Variants in IDH2 observed in about 807,000 individuals in gnomAD.
The protein encoded by IDH2 is isocitrate dehydrogenase (NADP(+)) 2.
A neutral mutation model predicts 50.5 loss-of-function variants in IDH2; 18 were observed. That is an observed-to-expected ratio of 0.36 (90% CI 0.25 to 0.53). The LOEUF (loss-of-function observed/expected upper bound fraction) is 0.53. Ranked by LOEUF, IDH2 falls within the 20% of genes least tolerant of loss-of-function variation. IDH2 has a pLI of 0.92. For synonymous variants in IDH2, 280 were observed against 239.8 expected, an observed-to-expected ratio of 1.17 and a Z score of -1.55; for missense variants, 518 against 610.7, an observed-to-expected ratio of 0.85 and a Z score of 1.60.
rs1031293222 is a variant in IDH2, at chr15:90,085,499, C to T, written c.968-112G>A. 2 of 779,546 alleles carry T rather than the reference C, an allele frequency of 2.6e-6. No homozygotes were observed. Among genetic ancestry groups the T allele is most frequent in the East Asian group, 2.7e-5 (1 of 37,536 alleles). The allele number at this position is 779,546 out of a possible 1,614,324, so 48.3% of individuals were successfully genotyped here. On this transcript the variant is annotated intron_variant, in intron 7 of 10. Coordinates refer to ENST00000330062, the MANE Select transcript of IDH2 (RefSeq NM_002168.4). This position sits in a 1 kb window ranked among gnomAD's most constrained non-coding sequence, Gnocchi z 5.5. ...GTAGCTGCCATAGTTCGTGGCTCTA[C>T]TCAGCCTCCCCCAGCTGCAACTGGG...
intron 1 of IDH2, among the ~76,000 whole-genome samples, chr15:90,097,467 T>A (rs1901211456): frequency 6.6e-6 from 1 of 152,206 alleles, no homozygotes; most frequent in Non-Finnish European, 1.5e-5. Context: ...CTACATACAA[T>A]GGAATATGAT....
chr15:90,083,586 G>A lies in IDH2; in HGVS notation c.*680C>T, dbSNP rs1486084510. ...TCAGGCAGCCTTGGAAAGGAGAAGT[G>A]TGAGGCAGGTGTGGGTAGGACCTCT... is the stretch of plus-strand genomic sequence containing the variant. On this transcript the variant is annotated 3_prime_UTR_variant, in exon 11 of 11. Coordinates refer to ENST00000330062, the MANE Select transcript of IDH2 (RefSeq NM_002168.4). The A allele has an allele frequency of 6.5e-6, 1 of 153,808 alleles. No homozygotes were observed. The highest frequency in any genetic ancestry group is 6.4e-5 in the Admixed American group (1 of 15,546). 9.5% of individuals were successfully genotyped at this position (153,808 alleles called of 1,614,324 possible). A position where few individuals can be genotyped will look rare whatever the true frequency, so the allele number is the denominator to read the frequency against.
rs370350675 is a variant in IDH2, at chr15:90,085,332, C to T, written c.1023G>A (p.Thr341=). 2.7e-5 allele frequency: 42 copies of T among 1,553,840 alleles called. No individual in the cohort carries two copies. The highest frequency in any genetic ancestry group is 3.5e-5 in the Non-Finnish European group (40 of 1,148,128). The part of the protein sequence containing the change: ...TSVLVCPDGK[T]IEAEAAHGTV... ...TCCCATGAGCGGCCTCAGCCTCAAT[C>T]GTCTTCCCATCAGGGCAGACCAGGA... Residue 341 remains threonine, a synonymous_variant, in exon 8 of 11, where the codon ACG becomes ACA. Coordinates refer to ENST00000330062, the MANE Select transcript of IDH2 (RefSeq NM_002168.4). The surrounding 1 kb of genome is among the most constrained non-coding windows in gnomAD (Gnocchi z 5.5).
At chr15:90,087,362 C>T (rs1900887025) in intron 6 of IDH2, 77 bp downstream of exon 6, 2 of 1,611,928 alleles carry the variant, frequency 1.2e-6, no homozygotes, top group Non-Finnish European at 8.5e-7. Flanking sequence ...ACTCTAATAG[C>T]GACCTTCCCA....
intron 2 of IDH2, among the ~76,000 whole-genome samples, chr15:90,091,070 G>C (rs28692845): frequency 0.12 from 18,451 of 152,140 alleles, 1,332 homozygotes; most frequent in Middle Eastern, 0.2. Flanking sequence ...CACAGTGTGG[G>C]GCCTTCACAA....
rs1901043976 is a variant in IDH2 at position 90,091,725 on chromosome 15, C to T, written c.116-81G>A. On this transcript the variant is annotated intron_variant, in intron 1 of 10. Transcript: ENST00000330062. ...TCTCCTCCCAGCCAGGCCCGCCCTT[C>T]ACCAGGAGACAGTGGCAGAAAGCCA... The T allele has an allele frequency of 1.5e-5, 17 of 1,132,962 alleles. No homozygotes were observed. In the South Asian group the frequency reaches 1.8e-4, roughly 12 times the overall value. The allele number at this position is 1,132,962 out of a possible 1,614,324, so 70.2% of individuals were successfully genotyped here.
At position 90,085,175 on chromosome 15, in the gene IDH2, C is replaced by G; in HGVS notation, c.1081-77G>C. On this transcript the variant is annotated intron_variant, in intron 8 of 10. Coordinates refer to ENST00000330062, the MANE Select transcript of IDH2 (RefSeq NM_002168.4). The surrounding 1 kb of genome is among the most constrained non-coding windows in gnomAD (Gnocchi z 5.5). The stretch of plus-strand genomic sequence containing the variant: ...GCTGCCCAGATACAGCTGCCCGCCC[C>G]TGGGCTGGTGGGTCAGGCTCGTCCT... The G allele has an allele frequency of 8.4e-6, 13 of 1,545,538 alleles. No homozygotes were observed. Among genetic ancestry groups the G allele is most frequent in the Non-Finnish European group, 1.1e-5 (12 of 1,120,722 alleles).
rs761404149 is a variant in IDH2, at chr15:90,088,415, C to T, written c.622G>A (p.Glu208Lys). ...CCGCCTGCGGGGAAGTTGTACACTT[C>T]CCACTCCTTGACACCACTGCCATCT... is the stretch of plus-strand genomic sequence containing the variant. ...PKDGSGVKEW[E>K]VYNFPAGGVG... Residue 208 changes from glutamate (E) to lysine (K), a missense_variant, in exon 5 of 11, where the codon GAA (glutamate) becomes AAA (lysine). Physicochemically the swap from Glu to Lys is moderately conservative, Grantham distance 56. Around this residue, in one of 5 missense-constraint regions of IDH2, gnomAD observed 207 missense variants for 208.6 expected, o/e 0.99. Coordinates refer to ENST00000330062, the MANE Select transcript of IDH2 (RefSeq NM_002168.4). The T allele has an allele frequency of 1.2e-6, 2 of 1,614,226 alleles. No homozygotes were observed. The highest frequency in any genetic ancestry group is 1.7e-6 in the Non-Finnish European group (2 of 1,180,048).
intron 1 of IDH2, among the ~76,000 whole-genome samples, chr15:90,096,482 T>C (rs532469602): frequency 1.4e-3 from 216 of 151,904 alleles, no homozygotes; most frequent in African/African-American, 5.1e-3. Flanking sequence ...AGAGAGCTAC[T>C]ATCAGGAAAA....
rs768462486 is a variant in IDH2, at chr15:90,087,506, T to C, written c.748A>G (p.Thr250Ala). The C allele has an allele frequency of 1.8e-5, 29 of 1,614,176 alleles. No individual in the cohort carries two copies. Among genetic ancestry groups the C allele is most frequent in the Non-Finnish European group, 2.3e-5 (27 of 1,180,016 alleles). The change falls in exon 6 of 11, where the codon ACC becomes GCC. Residue 250 changes from threonine (T) to alanine (A), a missense_variant. Thr to Ala is a moderately conservative substitution (Grantham distance 58). Around this residue, in one of 5 missense-constraint regions of IDH2, gnomAD observed 207 missense variants for 208.6 expected, o/e 0.99. Coordinates refer to ENST00000330062, the MANE Select transcript of IDH2 (RefSeq NM_002168.4). ...TAGGCTTTCAGTATGGTGTTCTTGG[T>C]GCTCATGTACAGCGGCCATTTCTTC... ...IQKKWPLYMSTKNTILKAYDG... is the reference protein window; with the variant it reads ...IQKKWPLYMSAKNTILKAYDG...
chr15:90,084,984 T>TC lies in IDH2; in HGVS notation c.1178+16dup. 1 of 1,613,154 alleles carries TC rather than the reference T, an allele frequency of 6.2e-7. No homozygotes were observed. The highest frequency in any genetic ancestry group is 1.3e-5 in the African/African-American group (1 of 75,008). On this transcript the variant is annotated intron_variant, in intron 9 of 10. Coordinates refer to ENST00000330062, the MANE Select transcript of IDH2 (RefSeq NM_002168.4). The surrounding 1 kb of genome is among the most constrained non-coding windows in gnomAD (Gnocchi z 5.0). ...GAGCCTGTCCTGGGCAGCTCCGGCCTCTCCCTCCATGCTCACCTGATGAGG... is the reference window on the plus strand; with the variant it reads ...GAGCCTGTCCTGGGCAGCTCCGGCCTCCTCCCTCCATGCTCACCTGATGAGG...
chr15:90,094,776 C>T (rs571464036), intron 1 of IDH2, among the ~76,000 whole-genome samples: 6 of 152,252 alleles, frequency 3.9e-5, no homozygotes, highest in Admixed American at 3.9e-4. Flanking sequence ...GTGGCACGTG[C>T]CTATAATCCC....
At position 90,087,221 on chromosome 15, in the gene IDH2, C is replaced by T. The variant is rs2151548123; in HGVS notation, c.858G>A (p.Glu286=). The T allele has an allele frequency of 6.2e-7, 1 of 1,614,148 alleles. No homozygotes were observed. The highest frequency in any genetic ancestry group is 8.5e-7 in the Non-Finnish European group (1 of 1,180,018). Residue 286 remains glutamate, a synonymous_variant, in exon 7 of 11, where the codon GAG becomes GAA. Coordinates refer to ENST00000330062, the MANE Select transcript of IDH2 (RefSeq NM_002168.4). ...CCACCATGTCATCAATGAGCCGGTG[C>T]TCATACCAGATCTTATTCTTGTCGA... ...TDFDKNKIWY[E]HRLIDDMVAQ...
chr15:90,089,026 T>A (rs1429756955), intron 3 of IDH2, among the ~76,000 whole-genome samples: 1 of 150,376 alleles, frequency 6.6e-6, no homozygotes, highest in Non-Finnish European at 1.5e-5. Flanking sequence ...GCGGTTCTCC[T>A]GCCTCAGCCT....
rs1567259766 is a variant in IDH2, at chr15:90,098,543, T to TAGGCATGC, written c.115+3732_115+3733insGCATGCCT. Among the ~76,000 whole-genome samples, 2 of 148,200 alleles carry TAGGCATGC rather than the reference T, an allele frequency of 1.3e-5. No homozygotes were observed. Among genetic ancestry groups the TAGGCATGC allele is most frequent in the Non-Finnish European group, 3.0e-5 (2 of 66,138 alleles). ...GTATGTATGCATGCATGTATGTATG[T>TAGGCATGC]ATGTATGTATGTATGTATTGAGACA... is the stretch of plus-strand genomic sequence containing the variant. On this transcript the variant is annotated intron_variant, in intron 1 of 10. Coordinates refer to ENST00000330062, the MANE Select transcript of IDH2 (RefSeq NM_002168.4). This position sits in a 1 kb window ranked among gnomAD's most constrained non-coding sequence, Gnocchi z 5.1.
At chr15:90,088,102 T>C (rs1471451452) in intron 5 of IDH2, among the ~76,000 whole-genome samples, 1 of 152,052 alleles carries the variant, frequency 6.6e-6, no homozygotes, top group African/African-American at 2.4e-5. Context: ...TCTTTTCTTT[T>C]CTTTTCTTTT....
chr15:90,099,610 G>A (rs1596081613), intron 1 of IDH2, among the ~76,000 whole-genome samples: 3 of 152,118 alleles, frequency 2.0e-5, no homozygotes, highest in African/African-American at 2.4e-5. Flanking sequence ...ATGCACCATC[G>A]TGCCTGGCTA....
At position 90,100,722 on chromosome 15, in the gene IDH2, T is replaced by A. The variant is rs1174392872; in HGVS notation, c.115+1554A>T. ...TCATCAAGGGGAATGCCAAGTATTC[T>A]GTCTCCAGCTGCGTTGCCAGGTAAC... On this transcript the variant is annotated intron_variant, in intron 1 of 10. Transcript: ENST00000330062. The surrounding 1 kb of genome is among the most constrained non-coding windows in gnomAD (Gnocchi z 4.1). 1.1e-6 allele frequency: 1 copy of A among 875,920 alleles called. No homozygotes were observed. Among genetic ancestry groups the A allele is most frequent in the Non-Finnish European group, 1.4e-6 (1 of 729,998 alleles). The allele number at this position is 875,920 out of a possible 1,614,324, so 54.3% of individuals were successfully genotyped here.
chr15:90,090,782 G>A (rs911774108), intron 2 of IDH2, 138 bp from the exon 3 acceptor site: 7 of 883,486 alleles, frequency 7.9e-6, no homozygotes, highest in Non-Finnish European at 1.3e-5. Context: ...GTGGAGGGGC[G>A]CAGCAGAAAG....
Sources: gnomAD v4.1 joint callset for allele counts (sites outside exome capture counted in the v4.1 genomes callset) on GRCh38, gnomAD v4.1.1 for gene constraint, gnomAD v4.1.1 regional missense constraint, Gnocchi (gnomAD v3.1) non-coding constraint, MANE v1.5 for transcripts, NCBI Gene and HGNC (gene_info 2026-07-23, HGNC 2026-07-21) for gene names.